Variants in PCDHGA4 observed in about 807,000 individuals in gnomAD.
The protein encoded by PCDHGA4 is protocadherin gamma subfamily A, 4.
Under a neutral mutation model 54.6 loss-of-function variants are expected in PCDHGA4, and 38 were observed. That is an observed-to-expected ratio of 0.70 (90% CI 0.54 to 0.91). The LOEUF (loss-of-function observed/expected upper bound fraction) is 0.91, where lower values mean the gene tolerates loss of function less well. PCDHGA4 is among the 40% of genes least tolerant of loss of function. The pLI, the probability that PCDHGA4 is intolerant of heterozygous loss-of-function variation, is 0.00. For synonymous variants in PCDHGA4, 511 were observed against 512.9 expected (o/e 1.00, Z 0.05); for missense variants, 1,298 against 1,220.9 (o/e 1.06, Z -0.94).
At chr5:141,385,376 C>T in intron 1 of PCDHGA4, 1 of 1,523,128 alleles carries the variant, frequency 6.6e-7, no homozygotes. Context: ...CATGATATTT[C>T]TCTATTATTT....
intron 1 of PCDHGA4, chr5:141,382,874 G>A (rs369372304): frequency 1.6e-5 from 24 of 1,523,072 alleles, no homozygotes; most frequent in Non-Finnish European, 1.8e-6. Context: ...CGAGATCGGC[G>A]CCTAAGCAAG....
Position 141,485,369 on chromosome 5 carries a change from G to T in PCDHGA4, c.2515-9438G>T. On this transcript the variant is annotated intron_variant, in intron 1 of 3. Transcript: ENST00000571252. This position sits in a 1 kb window ranked among gnomAD's most constrained non-coding sequence, Gnocchi z 5.7. ...CAGTCTGTCAGCTCGCAGGCTGCAG[G>T]TCGCTGGAGAGGTGAACCAAAGACA... 1 of 1,614,154 alleles carries T rather than the reference G, an allele frequency of 6.2e-7. No individual in the cohort carries two copies. The highest frequency in any genetic ancestry group is 1.1e-5 in the South Asian group (1 of 91,088).
In PCDHGA4 at chr5:141,487,128, G is replaced by T. The variant is rs565927415; in HGVS notation, c.2515-7679G>T. On this transcript the variant is annotated intron_variant, in intron 1 of 3. Transcript: ENST00000571252. This position sits in a 1 kb window ranked among gnomAD's most constrained non-coding sequence, Gnocchi z 5.0. ...GTCATTGTGGTAAAGGATAGTGGTA[G>T]TCCACCACTCTCTACCTCTGTTACT... The T allele has an allele frequency of 6.3e-5, 102 of 1,614,086 alleles. No individual in the cohort carries two copies. The South Asian group carries it at 7.7e-4, about 12-fold the overall frequency.
intron 1 of PCDHGA4, among the ~76,000 whole-genome samples, chr5:141,456,824 G>C (rs2098890304): frequency 6.6e-6 from 1 of 152,052 alleles, no homozygotes; most frequent in African/African-American, 2.4e-5. Flanking sequence ...ATTAGCCATC[G>C]TGGTAGTGGG....
At chr5:141,361,752 G>T (rs1860253) in intron 1 of PCDHGA4, 5 of 1,613,022 alleles carry the variant, frequency 3.1e-6, no homozygotes, top group East Asian at 4.5e-5. Flanking sequence ...ACCAGGGCTC[G>T]CCCGCGCTCA....
At chr5:141,411,562 C>A (rs569842846) in intron 1 of PCDHGA4, 1 of 152,054 alleles carries the variant, frequency 6.6e-6, no homozygotes, top group Non-Finnish European at 1.5e-5. Context: ...CCAGCCTGGG[C>A]GACAGAGTGC....
chr5:141,409,164 C>G (rs115772303), intron 1 of PCDHGA4: 18 of 1,613,792 alleles, frequency 1.1e-5, no homozygotes, highest in Non-Finnish European at 1.4e-5. Flanking sequence ...GAAGTGGAAG[C>G]GAAGGACGGA....
Position 141,413,755 on chromosome 5 carries a change from A to T in PCDHGA4, c.2514+56134A>T, listed in dbSNP as rs199577406. On this transcript the variant is annotated intron_variant, in intron 1 of 3. Transcript: ENST00000571252. ...AGTTCAGAGCCGTGCCAATGGCGTC[A>T]AGTACCCGGAGCTGGTACTGGAGCA... 1.6e-4 allele frequency: 266 copies of T among 1,612,936 alleles called. 3 individuals carry two copies. In the South Asian group the frequency reaches 2.3e-3, roughly 14 times the overall value.
At chr5:141,468,744 T>G (rs113912306) in intron 1 of PCDHGA4, among the ~76,000 whole-genome samples, 5,602 of 152,138 alleles carry the variant, frequency 0.037, 142 homozygotes, top group South Asian at 0.077. Flanking sequence ...CGGGTGCCTG[T>G]AGTCCCAGCT....
chr5:141,377,024 G>A (rs944242934), intron 1 of PCDHGA4: 5 of 154,950 alleles, frequency 3.2e-5, no homozygotes, highest in African/African-American at 1.2e-4. Context: ...GAAAATTCAA[G>A]ATTGTCTTTG....
At chr5:141,364,994 C>A (rs1469218354) in intron 1 of PCDHGA4, 1 of 1,613,924 alleles carries the variant, frequency 6.2e-7, no homozygotes, top group South Asian at 1.1e-5. Context: ...AGACCCGGTA[C>A]TCTCCGGCAC....
chr5:141,375,109 T>G (rs199796645), intron 1 of PCDHGA4: 1 of 1,613,952 alleles, frequency 6.2e-7, no homozygotes, highest in Middle Eastern at 1.6e-4. Flanking sequence ...ATGTCAATGA[T>G]AATGTACCAG....
At chr5:141,405,251 C>T (rs1462013657) in intron 1 of PCDHGA4, 1 of 1,614,124 alleles carries the variant, frequency 6.2e-7, no homozygotes, top group Admixed American at 1.7e-5. Context: ...AAGGAAGAGT[C>T]ACCTGATCTT....
Position 141,485,550 on chromosome 5 carries a change from TG to T in PCDHGA4, c.2515-9256del. On this transcript the variant is annotated intron_variant, in intron 1 of 3. Coordinates refer to ENST00000571252, the MANE Select transcript of PCDHGA4 (RefSeq NM_018917.4). The surrounding 1 kb of genome is among the most constrained non-coding windows in gnomAD (Gnocchi z 5.7). ...CGAGCAGAGGTAGAGATCGTAGATGTGAATGATCACGCCCCCCGTTTTCCGC... is the reference window on the plus strand; with the variant it reads ...CGAGCAGAGGTAGAGATCGTAGATGTAATGATCACGCCCCCCGTTTTCCGC... The T allele has an allele frequency of 6.2e-7, 1 of 1,613,820 alleles. No individual in the cohort carries two copies.
At position 141,432,360 on chromosome 5, in the gene PCDHGA4, C is replaced by T; in HGVS notation, c.2515-62447C>T. On this transcript the variant is annotated intron_variant, in intron 1 of 3. Transcript: ENST00000571252. This position sits in a 1 kb window ranked among gnomAD's most constrained non-coding sequence, Gnocchi z 6.0. Reference sequence around the variant, plus strand: ...CGAGACTTGCAAGTGAAAGTGATGGCGCGGGACAACGGGCACCCGCCCCTC... The same window carrying T: ...CGAGACTTGCAAGTGAAAGTGATGGTGCGGGACAACGGGCACCCGCCCCTC... 1.9e-6 allele frequency: 3 copies of T among 1,614,228 alleles called. No individual in the cohort carries two copies. The highest frequency in any genetic ancestry group is 1.1e-5 in the South Asian group (1 of 91,088).
chr5:141,506,085 G>A lies in PCDHGA4; in HGVS notation c.2662+604G>A, dbSNP rs532931472. Among the ~76,000 whole-genome samples the A allele has an allele frequency of 2.6e-4, 39 of 152,168 alleles. 1 individual carries two copies. In the South Asian group the frequency reaches 2.9e-3, roughly 11 times the overall value. On this transcript the variant is annotated intron_variant, in intron 3 of 3. Coordinates refer to ENST00000571252, the MANE Select transcript of PCDHGA4 (RefSeq NM_018917.4). ...AGGGCTTCCTTTGTAATAGAGATTC[G>A]GCTAGTGGTGGTTGTCCCTGAAGAG...
intron 1 of PCDHGA4, chr5:141,362,537 C>T (rs1366233043): frequency 6.2e-7 from 1 of 1,613,822 alleles, no homozygotes. Flanking sequence ...GTCCCTTTTG[C>T]CTCAGATACT....
At chr5:141,399,597 C>A in intron 1 of PCDHGA4, 3 of 1,613,958 alleles carry the variant, frequency 1.9e-6, no homozygotes, top group Non-Finnish European at 2.5e-6. Context: ...TCATGGCCAG[C>A]GACCTAGAGC....
At chr5:141,427,880 C>G in intron 1 of PCDHGA4, 5 of 1,563,170 alleles carry the variant, frequency 3.2e-6, no homozygotes, top group Non-Finnish European at 3.5e-6. Context: ...CGATGCAGGC[C>G]CACGACCAGG....
Sources: gnomAD v4.1 joint callset for allele counts (sites outside exome capture counted in the v4.1 genomes callset) on GRCh38, gnomAD v4.1.1 for gene constraint, Gnocchi (gnomAD v3.1) non-coding constraint, MANE v1.5 for transcripts, NCBI Gene and HGNC (gene_info 2026-07-23, HGNC 2026-07-21) for gene names.